Variants in SEMA3D observed in about 807,000 individuals in gnomAD.
SEMA3D encodes the protein semaphorin 3D.
In SEMA3D, 84 loss-of-function variants were observed where a neutral mutation model predicts 100.1. The observed-to-expected ratio is 0.84, with a 90% confidence interval of 0.70 to 1.01. The LOEUF (loss-of-function observed/expected upper bound fraction) is 1.01, where lower values mean the gene tolerates loss of function less well. SEMA3D is among the 50% of genes least tolerant of loss of function. The probability of loss-of-function intolerance (pLI) is 0.00; values close to 1 mark genes in which losing one functional copy is unlikely to be tolerated. For missense variants in SEMA3D, 875 were observed against 934.1 expected, an observed-to-expected ratio of 0.94 and a Z score of 0.82; for synonymous variants, 312 against 320.7, an observed-to-expected ratio of 0.97 and a Z score of 0.29.
intron 12 of SEMA3D, chr7:85,028,184 C>A (rs77198092): frequency 0.032 from 20,715 of 649,072 alleles, 1,749 homozygotes; most frequent in African/African-American, 0.19. Context: ...TAGGAGGTGT[C>A]TTCTATGGTT....
At chr7:85,050,579 T>C in intron 9 of SEMA3D, 1 of 388,892 alleles carries the variant, frequency 2.6e-6, no homozygotes, top group African/African-American at 2.1e-5. Flanking sequence ...TGATCAATAT[T>C]GCCCAGTAAA....
chr7:85,207,664 A>C, the SEMA3D span, among the ~76,000 whole-genome samples: 1 of 152,110 alleles, frequency 6.6e-6, no homozygotes, highest in East Asian at 1.9e-4. Context: ...CGGATTGAGA[A>C]TTTTTTCCAT....
chr7:85,054,791 C>T (rs377084465), intron 9 of SEMA3D, among the ~76,000 whole-genome samples: 34 of 152,002 alleles, frequency 2.2e-4, no homozygotes, highest in African/African-American at 7.5e-4. Context: ...ACAGCTCTTC[C>T]CCTTAATAAC....
chr7:85,228,822 G>A, the SEMA3D span, among the ~76,000 whole-genome samples: 1 of 151,966 alleles, frequency 6.6e-6, no homozygotes, highest in South Asian at 2.1e-4. Context: ...TTAATTCATT[G>A]CTCTGGGATA....
chr7:85,094,410 T>C (rs1278572551), intron 4 of SEMA3D, among the ~76,000 whole-genome samples: 1 of 152,052 alleles, frequency 6.6e-6, no homozygotes, highest in Non-Finnish European at 1.5e-5. Context: ...GTATTATCAC[T>C]CACACTAGAA....
intron 12 of SEMA3D, among the ~76,000 whole-genome samples, chr7:85,034,101 G>A (rs1032525657): frequency 3.3e-5 from 5 of 151,872 alleles, no homozygotes; most frequent in African/African-American, 9.7e-5. Context: ...TGTACCTGTC[G>A]GTGCCTGACA....
Position 85,140,179 on chromosome 7 carries a change from CATTT to C in SEMA3D, c.-41+13425_-41+13428del, listed in dbSNP as rs1405159214. 3.3e-5 allele frequency: 16 copies of C among 490,400 alleles called. No individual in the cohort carries two copies. In the South Asian group the frequency reaches 4.4e-4, roughly 13 times the overall value. The allele number at this position is 490,400 out of a possible 1,614,324, so 30.4% of individuals were successfully genotyped here. On this transcript the variant is annotated intron_variant, in intron 2 of 18. Coordinates refer to ENST00000284136, the MANE Select transcript of SEMA3D (RefSeq NM_001384900.1). ...TATTAAAAAATTAAGTTTATAAGAG[CATTT>C]ATTTAATGTTTTTTAACATCAATAA... is the stretch of plus-strand genomic sequence containing the variant.
At chr7:85,199,221 T>C in the SEMA3D span, among the ~76,000 whole-genome samples, 1 of 152,170 alleles carries the variant, frequency 6.6e-6, no homozygotes, top group Non-Finnish European at 1.5e-5. Flanking sequence ...TTAATTTTCA[T>C]GACTATTTCT....
intron 17 of SEMA3D, among the ~76,000 whole-genome samples, chr7:85,009,151 A>C (rs971436161): frequency 6.6e-6 from 1 of 151,648 alleles, no homozygotes; most frequent in Non-Finnish European, 1.5e-5. Flanking sequence ...TTCTTATTAC[A>C]TGTAAGATAA....
At chr7:85,104,606 G>A (rs907529821) in intron 3 of SEMA3D, among the ~76,000 whole-genome samples, 6 of 152,006 alleles carry the variant, frequency 3.9e-5, no homozygotes, top group African/African-American at 1.4e-4. Flanking sequence ...AGAAAGGAAG[G>A]GAGTGGTGAG....
At chr7:85,078,020 A>G (rs73377885) in intron 5 of SEMA3D, among the ~76,000 whole-genome samples, 2,077 of 152,300 alleles carry the variant, frequency 0.014, 47 homozygotes, top group African/African-American at 0.047. Context: ...ATTTAATGAC[A>G]TGGGAAAATG....
the SEMA3D span, among the ~76,000 whole-genome samples, chr7:85,219,672 T>C: frequency 6.6e-6 from 1 of 152,004 alleles, no homozygotes; most frequent in African/African-American, 2.4e-5. Flanking sequence ...CTAGGTCCTG[T>C]AGGAGTCTTT....
At chr7:85,099,192 T>C (rs1788668547) in intron 3 of SEMA3D, among the ~76,000 whole-genome samples, 2 of 151,960 alleles carry the variant, frequency 1.3e-5, no homozygotes, top group African/African-American at 4.8e-5. Flanking sequence ...CCCACCCAAA[T>C]CTTATCTTGA....
chr7:85,214,759 G>A, the SEMA3D span, among the ~76,000 whole-genome samples: 6 of 152,120 alleles, frequency 3.9e-5, no homozygotes, highest in Non-Finnish European at 7.4e-5. Context: ...GCCTCCCAAA[G>A]TGCTGGGATT....
chr7:85,050,765 A>G, intron 9 of SEMA3D: 1 of 515,668 alleles, frequency 1.9e-6, no homozygotes, highest in Non-Finnish European at 3.4e-6. Flanking sequence ...AGATAAAGAA[A>G]AATAATAATG....
upstream of SEMA3D, among the ~76,000 whole-genome samples, chr7:85,188,957 G>T (rs1027217696): frequency 6.6e-6 from 1 of 152,232 alleles, no homozygotes; most frequent in East Asian, 1.9e-4. Context: ...TTGTGTCTTT[G>T]TTTCTTCAGC....
chr7:85,198,295 CT>C, the SEMA3D span, among the ~76,000 whole-genome samples: 1 of 151,950 alleles, frequency 6.6e-6, no homozygotes, highest in Non-Finnish European at 1.5e-5. Flanking sequence ...ATAAGTAAGG[CT>C]TTTCTTTCAT....
chr7:85,006,613 G>T (rs954195394), intron 18 of SEMA3D, among the ~76,000 whole-genome samples, 189 bp downstream of exon 18: 2 of 151,720 alleles, frequency 1.3e-5, no homozygotes, highest in Non-Finnish European at 2.9e-5. Context: ...TATATTTTAC[G>T]AATACATTTG....
chr7:85,201,542 A>AT, the SEMA3D span, among the ~76,000 whole-genome samples: 1 of 151,932 alleles, frequency 6.6e-6, no homozygotes, highest in South Asian at 2.1e-4. Context: ...TAAATTAGAG[A>AT]TTTTAGTAAT....
Sources: gnomAD v4.1 joint callset for allele counts (sites outside exome capture counted in the v4.1 genomes callset) on GRCh38, gnomAD v4.1.1 for gene constraint, MANE v1.5 for transcripts, NCBI Gene and HGNC (gene_info 2026-07-23, HGNC 2026-07-21) for gene names.